The following ARB2A variants were observed in gnomAD, a reference collection of about 807,000 sequenced individuals.
The protein encoded by ARB2A is ARB2 cotranscriptional regulator A.
chr5:93,698,083 A>T, the ARB2A span, among the ~76,000 whole-genome samples: 1 of 152,192 alleles, frequency 6.6e-6, no homozygotes, highest in African/African-American at 2.4e-5. Flanking sequence ...GGCTGGGTTA[A>T]AGGGCTCAGG....
the ARB2A span, among the ~76,000 whole-genome samples, chr5:93,896,627 T>C: frequency 2.3e-4 from 35 of 152,158 alleles, no homozygotes; most frequent in African/African-American, 7.7e-4. Flanking sequence ...CTAAGTCTAA[T>C]AGGAATACTA....
chr5:94,103,291 C>T, the ARB2A span, among the ~76,000 whole-genome samples: 1 of 152,076 alleles, frequency 6.6e-6, no homozygotes, highest in Admixed American at 6.6e-5. Flanking sequence ...CATGCAATGA[C>T]ACCCACAGAC....
chr5:93,880,634 T>C, the ARB2A span, among the ~76,000 whole-genome samples: 4 of 151,766 alleles, frequency 2.6e-5, no homozygotes, highest in African/African-American at 9.7e-5. Context: ...ATTAAACTTC[T>C]AGCATCCATA....
the ARB2A span, among the ~76,000 whole-genome samples, chr5:93,996,617 T>C: frequency 2.6e-5 from 4 of 152,078 alleles, no homozygotes; most frequent in Non-Finnish European, 5.9e-5. Flanking sequence ...CTATAATCAT[T>C]ATCTCCAATG....
the ARB2A span, among the ~76,000 whole-genome samples, chr5:93,701,981 C>T: frequency 1.3e-5 from 2 of 152,124 alleles, no homozygotes; most frequent in African/African-American, 4.8e-5. Flanking sequence ...CTCATTATAG[C>T]ACATGGTGGG....
chr5:94,095,219 A>G, the ARB2A span, among the ~76,000 whole-genome samples: 2 of 152,128 alleles, frequency 1.3e-5, no homozygotes, highest in Admixed American at 1.3e-4. Flanking sequence ...GGCAGCCCCC[A>G]CCCAAAGACT....
At chr5:93,998,173 T>C in the ARB2A span, among the ~76,000 whole-genome samples, 1 of 152,012 alleles carries the variant, frequency 6.6e-6, no homozygotes, top group African/African-American at 2.4e-5. Flanking sequence ...CATCTGCACA[T>C]GACATAATAG....
At chr5:93,697,517 C>T in the ARB2A span, among the ~76,000 whole-genome samples, 160 of 152,212 alleles carry the variant, frequency 1.1e-3, 3 homozygotes, top group East Asian at 0.028. Flanking sequence ...TGCCCCAATG[C>T]AATTCTTCTT....
chr5:93,948,293 TG>T, the ARB2A span, among the ~76,000 whole-genome samples: 1 of 152,258 alleles, frequency 6.6e-6, no homozygotes, highest in Non-Finnish European at 1.5e-5. Context: ...ATGTGTTTTT[TG>T]GCTGCATAAA....
the ARB2A span, chr5:93,863,449 T>C: frequency 6.6e-6 from 1 of 151,430 alleles, no homozygotes; most frequent in Non-Finnish European, 1.5e-5. Context: ...TTATATATAT[T>C]TAGAGAGGAG....
At chr5:93,924,640 G>T in the ARB2A span, among the ~76,000 whole-genome samples, 1 of 152,104 alleles carries the variant, frequency 6.6e-6, no homozygotes, top group Non-Finnish European at 1.5e-5. Flanking sequence ...CAAGAGCCAG[G>T]AGAACCAAGT....
the ARB2A span, among the ~76,000 whole-genome samples, chr5:93,681,096 A>T: frequency 4.1e-4 from 62 of 152,136 alleles, no homozygotes; most frequent in Non-Finnish European, 6.9e-4. Context: ...AGAAGATTTT[A>T]TATGTAATGT....
chr5:93,672,988 G>A, the ARB2A span, among the ~76,000 whole-genome samples: 1 of 152,074 alleles, frequency 6.6e-6, no homozygotes, highest in African/African-American at 2.4e-5. Context: ...ACTTCATTTT[G>A]TTCACTAATG....
At chr5:94,004,974 T>C in the ARB2A span, among the ~76,000 whole-genome samples, 13 of 99,354 alleles carry the variant, frequency 1.3e-4, no homozygotes, top group Admixed American at 2.1e-3. Flanking sequence ...ACCTCAACAC[T>C]ACACTTAGGA....
the ARB2A span, among the ~76,000 whole-genome samples, chr5:94,009,511 GAATT>G: frequency 5.9e-5 from 9 of 151,780 alleles, no homozygotes; most frequent in African/African-American, 9.7e-5. Context: ...ACCTTACATA[GAATT>G]AATATTAAAA....
chr5:93,646,414 T>C, the ARB2A span, among the ~76,000 whole-genome samples: 330 of 134,170 alleles, frequency 2.5e-3, no homozygotes, highest in African/African-American at 9.2e-3. Flanking sequence ...CCTAGAAATG[T>C]AGACAGATGC....
the ARB2A span, among the ~76,000 whole-genome samples, chr5:93,694,274 T>C: frequency 6.6e-6 from 1 of 152,304 alleles, no homozygotes; most frequent in East Asian, 1.9e-4. Context: ...GTCATGATTG[T>C]ACATTTAGAA....
At chr5:93,885,878 T>C in the ARB2A span, among the ~76,000 whole-genome samples, 1 of 151,700 alleles carries the variant, frequency 6.6e-6, no homozygotes, top group Non-Finnish European at 1.5e-5. Context: ...TACTTTGAAG[T>C]CTGTAGATGC....
At chr5:93,889,670 G>C in the ARB2A span, among the ~76,000 whole-genome samples, 1 of 151,738 alleles carries the variant, frequency 6.6e-6, no homozygotes, top group Non-Finnish European at 1.5e-5. Context: ...CAGATTTAGA[G>C]ACAGATTAAT....
Sources: gnomAD v4.1 joint callset for allele counts (sites outside exome capture counted in the v4.1 genomes callset) on GRCh38, gnomAD v4.1.1 for gene constraint, MANE v1.5 for transcripts, NCBI Gene and HGNC (gene_info 2026-07-23, HGNC 2026-07-21) for gene names.